The following RALGAPB variants were observed in gnomAD, a reference collection of about 807,000 sequenced individuals.
RALGAPB encodes Ral GTPase activating protein non-catalytic subunit beta, also known as ral GTPase-activating protein subunit beta.
RALGAPB carries 25 observed loss-of-function variants against 161.1 expected under a neutral mutation model. The ratio of observed to expected loss-of-function variants is 0.16; its 90% confidence interval spans 0.11 to 0.22. RALGAPB has a LOEUF of 0.22. RALGAPB is among the 10% of genes least tolerant of loss of function. The probability of loss-of-function intolerance (pLI) is 1.00; values close to 1 mark genes in which losing one functional copy is unlikely to be tolerated. For synonymous variants in RALGAPB, 629 were observed against 626.1 expected, an observed-to-expected ratio of 1.00 and a Z score of -0.07; for missense variants, 1,391 against 1,815.2, an observed-to-expected ratio of 0.77 and a Z score of 4.25.
intron 24 of RALGAPB, among the ~76,000 whole-genome samples, chr20:38,563,736 A>T (rs1338217663): frequency 2.0e-5 from 3 of 152,230 alleles, no homozygotes; most frequent in Non-Finnish European, 4.4e-5. Context: ...CTTAGATTTT[A>T]AAGATAATTT....
intron 20 of RALGAPB, 65 bp from the exon 21 acceptor site, chr20:38,551,006 A>G: frequency 1.3e-6 from 2 of 1,537,322 alleles, no homozygotes; most frequent in Non-Finnish European, 8.9e-7. Context: ...GACCAGGGAA[A>G]TACATGTCAT....
chr20:38,574,230 G>A lies in RALGAPB; in HGVS notation c.4223G>A (p.Gly1408Glu). Residue 1408 changes from glycine to glutamate, a missense_variant, in exon 29 of 30, where the codon GGA (glycine) becomes GAA (glutamate). This residue lies in a region of RALGAPB where 436 missense variants were observed against 527.0 expected (regional missense o/e 0.83). Coordinates refer to ENST00000262879, the MANE Select transcript of RALGAPB (RefSeq NM_020336.4). Reference sequence around the variant, plus strand: ...GGATTATTCCGGATAAAAATTCAAGGAGCCACTGGAAAATTTAATATGGTC... The same window carrying A: ...GGATTATTCCGGATAAAAATTCAAGAAGCCACTGGAAAATTTAATATGGTC... ...NTGLFRIKIQGATGKFNMVIP... is the reference protein window; with the variant it reads ...NTGLFRIKIQEATGKFNMVIP... 2 of 1,613,680 alleles carry A rather than the reference G, an allele frequency of 1.2e-6. No individual in the cohort carries two copies. The highest frequency in any genetic ancestry group is 1.7e-6 in the Non-Finnish European group (2 of 1,179,800).
chr20:38,517,381 G>C, intron 7 of RALGAPB, 125 bp from the exon 8 acceptor site: 1 of 866,450 alleles, frequency 1.2e-6, no homozygotes, highest in Non-Finnish European at 1.7e-6. Flanking sequence ...ATACTGAGAG[G>C]CAACTAGCAA....
chr20:38,511,366 G>A (rs1372996179), intron 6 of RALGAPB, among the ~76,000 whole-genome samples: 8 of 150,350 alleles, frequency 5.3e-5, no homozygotes, highest in African/African-American at 2.0e-4. Flanking sequence ...ATCATTCTTG[G>A]GTGTTTCTCG....
At chr20:38,561,528 GA>G (rs1476430673) in intron 23 of RALGAPB, among the ~76,000 whole-genome samples, 2 of 152,164 alleles carry the variant, frequency 1.3e-5, no homozygotes, top group African/African-American at 4.8e-5. Context: ...GGAATTTTTA[GA>G]AATAGTGATT....
rs149773231 is a variant in RALGAPB, at chr20:38,476,472, C to T, written c.-31+3403C>T. Reference sequence around the variant, plus strand: ...AGAAAGCAGGCCTCCTTCCTCTGGACGGTGTCCCCTTTCGCCCCCGACCCC... The same window carrying T: ...AGAAAGCAGGCCTCCTTCCTCTGGATGGTGTCCCCTTTCGCCCCCGACCCC... On this transcript the variant is annotated intron_variant, in intron 1 of 29. Coordinates refer to ENST00000262879, the MANE Select transcript of RALGAPB (RefSeq NM_020336.4). Among the ~76,000 whole-genome samples the T allele has an allele frequency of 3.2e-3, 480 of 152,274 alleles. 2 individuals are homozygous for T. The highest frequency in any genetic ancestry group is 0.011 in the African/African-American group (452 of 41,552).
Position 38,525,467 on chromosome 20 carries a change from C to T in RALGAPB, c.1851C>T (p.Ile617=). The change falls in exon 12 of 30, where the codon ATC becomes ATT. Residue 617 remains isoleucine, a synonymous_variant. Transcript: ENST00000262879. ...AATTGCGAAGATCCTCCATTAATAT[C>T]CTGCTTTCTTTGTTGCCCCTCCCTC... The part of the protein sequence containing the change: ...PTELRRSSIN[I]LLSLLPLPHH... 6.2e-7 allele frequency: 1 copy of T among 1,606,568 alleles called. No individual in the cohort carries two copies. The highest frequency in any genetic ancestry group is 8.5e-7 in the Non-Finnish European group (1 of 1,178,088).
chr20:38,517,129 A>G (rs748583785), intron 7 of RALGAPB, among the ~76,000 whole-genome samples: 1 of 152,198 alleles, frequency 6.6e-6, no homozygotes, highest in African/African-American at 2.4e-5. Flanking sequence ...CTCATGGGCC[A>G]TGATGGTTGA....
rs2087361724 is a variant in RALGAPB at position 38,551,175 on chromosome 20, G to T, written c.3114G>T (p.Val1038=). 6 of 1,613,978 alleles carry T rather than the reference G, an allele frequency of 3.7e-6. No individual in the cohort carries two copies. Among genetic ancestry groups the T allele is most frequent in the Non-Finnish European group, 4.2e-6 (5 of 1,179,846 alleles). ...AAGAGGTGGACAAGATTCCTTTTGT[G>T]AAAGCAGATCTCAGCATTCCAGATT... ...FPEEVDKIPF[V]KADLSIPDLH... is the part of the protein sequence containing the mutation. Residue 1038 remains valine, a synonymous_variant, in exon 21 of 30, where the codon GTG becomes GTT. Transcript: ENST00000262879.
intron 3 of RALGAPB, among the ~76,000 whole-genome samples, chr20:38,495,755 T>C (rs1049395068): frequency 1.1e-4 from 16 of 152,196 alleles, no homozygotes; most frequent in African/African-American, 3.6e-4. Flanking sequence ...TTTTTTAATG[T>C]AAAGGTTACC....
intron 5 of RALGAPB, among the ~76,000 whole-genome samples, chr20:38,508,315 A>G (rs2085829126): frequency 6.6e-6 from 1 of 152,126 alleles, no homozygotes; most frequent in Non-Finnish European, 1.5e-5. Flanking sequence ...TACCTAACCT[A>G]TAAAAAGGTC....
intron 10 of RALGAPB, among the ~76,000 whole-genome samples, chr20:38,524,344 CTCTTACGG>C (rs2086392365): frequency 6.6e-6 from 1 of 152,134 alleles, no homozygotes; most frequent in Non-Finnish European, 1.5e-5. Flanking sequence ...CAACATTTTT[CTCTTACGG>C]AATTTAACTC....
intron 22 of RALGAPB, among the ~76,000 whole-genome samples, chr20:38,555,128 T>C (rs922271264): frequency 1.3e-5 from 2 of 152,182 alleles, no homozygotes; most frequent in Admixed American, 1.3e-4. Flanking sequence ...ATTCCTGTTT[T>C]ATAGATGTGG....
chr20:38,511,646 G>T (rs1368443110), intron 6 of RALGAPB, among the ~76,000 whole-genome samples: 2 of 152,106 alleles, frequency 1.3e-5, no homozygotes, highest in Non-Finnish European at 2.9e-5. Context: ...CACGGGGTTG[G>T]GGGTAAGGTT....
Position 38,513,878 on chromosome 20 carries a change from A to G in RALGAPB, c.873-2314A>G, listed in dbSNP as rs79932013. Among the ~76,000 whole-genome samples, 63 of 152,282 alleles carry G rather than the reference A, an allele frequency of 4.1e-4. No homozygotes were observed. The East Asian group carries it at 0.011, about 26-fold the overall frequency. Reference sequence around the variant, plus strand: ...GTTTTTCTGAATTGTCTGTAGTTCTATCTTTTCATGAATTGGATAGGAAAA... The same window carrying G: ...GTTTTTCTGAATTGTCTGTAGTTCTGTCTTTTCATGAATTGGATAGGAAAA... On this transcript the variant is annotated intron_variant, in intron 6 of 29. Transcript: ENST00000262879.
chr20:38,503,831 C>T (rs957466919), intron 5 of RALGAPB, among the ~76,000 whole-genome samples: 2 of 152,146 alleles, frequency 1.3e-5, no homozygotes, highest in Non-Finnish European at 2.9e-5. Flanking sequence ...TTTTTAAAAA[C>T]TGCCACAGCC....
At chr20:38,552,950 G>T (rs1231493029) in intron 21 of RALGAPB, among the ~76,000 whole-genome samples, 3 of 152,166 alleles carry the variant, frequency 2.0e-5, no homozygotes, top group Non-Finnish European at 4.4e-5. Context: ...TAAGGAGAGG[G>T]TATTTAGCTG....
chr20:38,524,708 A>G (rs1568940663), intron 10 of RALGAPB, 70 bp from the exon 11 acceptor site: 6 of 1,202,294 alleles, frequency 5.0e-6, no homozygotes, highest in South Asian at 1.3e-5. Context: ...TCAGTTAACT[A>G]TGTAGCAAAT....
chr20:38,567,598 C>T (rs2088055315), intron 26 of RALGAPB, among the ~76,000 whole-genome samples: 1 of 152,200 alleles, frequency 6.6e-6, no homozygotes, highest in Non-Finnish European at 1.5e-5. Flanking sequence ...ACAAGTCTGA[C>T]CATATAAAAA....
Sources: allele counts gnomAD v4.1 joint callset (sites outside exome capture counted in the v4.1 genomes callset), GRCh38; gene constraint gnomAD v4.1.1; regional missense constraint gnomAD v4.1.1; transcripts MANE v1.5; gene names NCBI Gene and HGNC (gene_info 2026-07-23, HGNC 2026-07-21).